Variants in CFAP77 observed in about 807,000 individuals in gnomAD.
CFAP77 encodes the protein cilia- and flagella-associated protein 77.
CFAP77 carries 25 observed loss-of-function variants against 31.1 expected under a neutral mutation model. That is an observed-to-expected ratio of 0.80 (90% CI 0.59 to 1.12). The LOEUF (loss-of-function observed/expected upper bound fraction) is 1.12. Ranked by LOEUF, CFAP77 falls within the 50% of genes most tolerant of loss-of-function variation. The pLI is 0.00. For missense variants in CFAP77, 377 were observed against 397.3 expected (o/e 0.95, Z 0.44); for synonymous variants, 151 against 159.9 (o/e 0.94, Z 0.42).
At chr9:132,482,388 G>T (rs774947355) in intron 1 of CFAP77, 1 of 1,613,590 alleles carries the variant, frequency 6.2e-7, no homozygotes, top group Non-Finnish European at 8.5e-7. Flanking sequence ...TCCTTCCCTT[G>T]CTGGACACCA....
intron 3 of CFAP77, among the ~76,000 whole-genome samples, chr9:132,513,946 C>T (rs971550703): frequency 9.7e-6 from 1 of 102,996 alleles, no homozygotes; most frequent in African/African-American, 3.9e-5. Context: ...CCCCTGACCA[C>T]AGATGACAGT....
chr9:132,468,076 C>G (rs1851185515), intron 1 of CFAP77, among the ~76,000 whole-genome samples: 1 of 152,078 alleles, frequency 6.6e-6, no homozygotes, highest in Non-Finnish European at 1.5e-5. Flanking sequence ...GGTGTGGTGG[C>G]TCACACCTGT....
chr9:132,506,745 ACT>A (rs1851936861), intron 3 of CFAP77, among the ~76,000 whole-genome samples: 1 of 152,120 alleles, frequency 6.6e-6, no homozygotes, highest in Non-Finnish European at 1.5e-5. Context: ...TCATTAACTA[ACT>A]CTGAATAGCT....
chr9:132,411,930 A>G (rs1367134807), intron 1 of CFAP77, among the ~76,000 whole-genome samples: 6 of 152,084 alleles, frequency 3.9e-5, no homozygotes, highest in African/African-American at 1.2e-4. Context: ...CATATAACAT[A>G]CCGTTTACAT....
chr9:132,511,235 T>A lies in CFAP77; in HGVS notation c.524+11635T>A, dbSNP rs149001531. On this transcript the variant is annotated intron_variant, in intron 3 of 5. Coordinates refer to ENST00000393216, the MANE Select transcript of CFAP77 (RefSeq NM_001282957.2). This position sits in a 1 kb window ranked among gnomAD's most constrained non-coding sequence, Gnocchi z 5.8. ...GGGTCTGCTGAGACTTGACTCTGAC[T>A]CCCCCAAGCTAAACCTCCTTCAGTC... is the stretch of plus-strand genomic sequence containing the variant. 6.6e-6 allele frequency among the ~76,000 whole-genome samples: 1 copy of A among 152,058 alleles called. No homozygotes were observed. Among genetic ancestry groups the A allele is most frequent in the Non-Finnish European group, 1.5e-5 (1 of 68,000 alleles).
At chr9:132,521,778 T>TTTTTTGTTTTG (rs1554747343) in intron 3 of CFAP77, among the ~76,000 whole-genome samples, 12 of 106,148 alleles carry the variant, frequency 1.1e-4, no homozygotes, top group Middle Eastern at 5.1e-3. Flanking sequence ...TTTTTTTTTT[T>TTTTTTGTTTTG]TTTTTTGAGA....
At chr9:132,438,575 C>T (rs112916382) in intron 1 of CFAP77, among the ~76,000 whole-genome samples, 7,005 of 132,278 alleles carry the variant, frequency 0.053, 197 homozygotes, top group African/African-American at 0.058. Context: ...GGTCTCAAGT[C>T]ATCCAGGCTG....
intron 1 of CFAP77, among the ~76,000 whole-genome samples, chr9:132,471,861 C>T (rs1289934611): frequency 3.3e-5 from 5 of 152,060 alleles, no homozygotes; most frequent in Non-Finnish European, 7.4e-5. Flanking sequence ...CCTGCTACCA[C>T]GCCTGGTTAA....
rs1225809167 is a variant in CFAP77 at position 132,554,001 on chromosome 9, A to G, written c.732+10954A>G. Among the ~76,000 whole-genome samples the G allele has an allele frequency of 2.6e-5, 4 of 152,150 alleles. No homozygotes were observed. Among genetic ancestry groups the G allele is most frequent in the Admixed American group, 2.6e-4 (4 of 15,276 alleles). ...AAGCCACCATGTCTTCAATGCCTAC[A>G]CTGTGTGCCAGGCACCATTCCAGGG... is the stretch of plus-strand genomic sequence containing the variant. On this transcript the variant is annotated intron_variant, in intron 5 of 5. Coordinates refer to ENST00000393216, the MANE Select transcript of CFAP77 (RefSeq NM_001282957.2). The surrounding 1 kb of genome is among the most constrained non-coding windows in gnomAD (Gnocchi z 4.1).
At chr9:132,482,490 G>A (rs1851466460) in intron 1 of CFAP77, 11 of 1,164,392 alleles carry the variant, frequency 9.4e-6, no homozygotes, top group Non-Finnish European at 1.4e-5. Flanking sequence ...CCCGGCTTCC[G>A]CACACCTACT....
chr9:132,437,959 C>CA (rs1343744052), intron 1 of CFAP77, among the ~76,000 whole-genome samples: 1 of 151,402 alleles, frequency 6.6e-6, no homozygotes, highest in Admixed American at 6.6e-5. Context: ...CCTGTAATCC[C>CA]AGCACTTTGG....
At chr9:132,426,964 G>A (rs527329799) in intron 1 of CFAP77, among the ~76,000 whole-genome samples, 10 of 152,304 alleles carry the variant, frequency 6.6e-5, no homozygotes, top group South Asian at 2.1e-4. Context: ...GATCTCAGCC[G>A]TAATTCCTTA....
intron 1 of CFAP77, among the ~76,000 whole-genome samples, chr9:132,447,046 G>T (rs1268388391): frequency 6.6e-6 from 1 of 152,072 alleles, no homozygotes. Flanking sequence ...TGAGCCACTG[G>T]GCCTGCCCAG....
intron 3 of CFAP77, among the ~76,000 whole-genome samples, chr9:132,508,581 C>T (rs2092684773): frequency 6.6e-6 from 1 of 152,074 alleles, no homozygotes. Context: ...GGGATTAGGA[C>T]AGTGGGGGGG....
At chr9:132,519,607 G>A (rs1852224183) in intron 3 of CFAP77, among the ~76,000 whole-genome samples, 4 of 146,626 alleles carry the variant, frequency 2.7e-5, no homozygotes, top group Admixed American at 6.7e-5. Context: ...TGGATGGATG[G>A]ATGGATGGAT....
intron 5 of CFAP77, among the ~76,000 whole-genome samples, chr9:132,553,490 T>C (rs368723387): frequency 6.6e-6 from 1 of 152,178 alleles, no homozygotes; most frequent in Non-Finnish European, 1.5e-5. Flanking sequence ...GGTGGACACA[T>C]TCAGTCCATA....
intron 1 of CFAP77, among the ~76,000 whole-genome samples, chr9:132,422,262 G>A (rs1850229759): frequency 2.0e-5 from 3 of 152,182 alleles, no homozygotes. Flanking sequence ...GCCTTCCTTG[G>A]CCTCCCAAAG....
intron 3 of CFAP77, among the ~76,000 whole-genome samples, chr9:132,536,527 G>A (rs1852547487): frequency 1.3e-5 from 2 of 151,308 alleles, no homozygotes; most frequent in Non-Finnish European, 2.9e-5. Flanking sequence ...CCTACTAGTT[G>A]GGATTACAGG....
intron 1 of CFAP77, among the ~76,000 whole-genome samples, chr9:132,417,436 A>G (rs1850124421): frequency 6.6e-6 from 1 of 152,178 alleles, no homozygotes; most frequent in African/African-American, 2.4e-5. Flanking sequence ...TCACACAACT[A>G]CAAAAGATAT....
Sources: gnomAD v4.1 joint callset for allele counts (sites outside exome capture counted in the v4.1 genomes callset) on GRCh38, gnomAD v4.1.1 for gene constraint, Gnocchi (gnomAD v3.1) non-coding constraint, MANE v1.5 for transcripts, NCBI Gene and HGNC (gene_info 2026-07-23, HGNC 2026-07-21) for gene names.